Variants in QTMAN observed in about 807,000 individuals in gnomAD.
QTMAN encodes queuosine-tRNA mannosyltransferase, also known as tRNA-queuosine alpha-mannosyltransferase.
chr2:144,005,853 G>A, the QTMAN span: 2 of 151,984 alleles, frequency 1.3e-5, no homozygotes, highest in Non-Finnish European at 2.9e-5. Context: ...TTGCTGTTTT[G>A]TAAAAGCAGA....
At chr2:144,025,883 G>A in the QTMAN span, among the ~76,000 whole-genome samples, 29 of 152,328 alleles carry the variant, frequency 1.9e-4, no homozygotes, top group African/African-American at 6.3e-4. Flanking sequence ...AGATGTATAA[G>A]TAACCGGTCT....
chr2:144,124,398 G>A, the QTMAN span, among the ~76,000 whole-genome samples: 50 of 152,162 alleles, frequency 3.3e-4, no homozygotes, highest in Non-Finnish European at 4.4e-4. Context: ...TAGGTCATAC[G>A]AATTAAATAA....
the QTMAN span, among the ~76,000 whole-genome samples, chr2:144,098,714 CAA>C: frequency 9.7e-5 from 12 of 123,942 alleles, no homozygotes; most frequent in Admixed American, 1.7e-4. Context: ...GACTCTGTCT[CAA>C]AAAAAAAAAA....
the QTMAN span, among the ~76,000 whole-genome samples, chr2:144,011,054 C>A: frequency 1.3e-5 from 2 of 152,098 alleles, no homozygotes; most frequent in Non-Finnish European, 2.9e-5. Context: ...AAGGTAGTTA[C>A]AAGCTACGGT....
At chr2:143,986,605 T>A in the QTMAN span, among the ~76,000 whole-genome samples, 1 of 152,316 alleles carries the variant, frequency 6.6e-6, no homozygotes, top group South Asian at 2.1e-4. Context: ...GGTACTTAGT[T>A]CAAAGCAGGT....
At chr2:144,133,486 A>AT in the QTMAN span, among the ~76,000 whole-genome samples, 1 of 82,456 alleles carries the variant, frequency 1.2e-5, no homozygotes, top group Non-Finnish European at 2.1e-5. Flanking sequence ...TAATATATAA[A>AT]ATATATATTA....
chr2:143,969,989 C>T, the QTMAN span, among the ~76,000 whole-genome samples: 1 of 152,036 alleles, frequency 6.6e-6, no homozygotes, highest in African/African-American at 2.4e-5. Flanking sequence ...TGCTGAACAC[C>T]CAAAGCTTAA....
At chr2:144,077,976 A>G in the QTMAN span, among the ~76,000 whole-genome samples, 1 of 150,878 alleles carries the variant, frequency 6.6e-6, no homozygotes, top group Non-Finnish European at 1.5e-5. Context: ...TTAAAGTCAA[A>G]GATAGCATAT....
At chr2:144,155,945 A>G in the QTMAN span, among the ~76,000 whole-genome samples, 1 of 152,174 alleles carries the variant, frequency 6.6e-6, no homozygotes, top group African/African-American at 2.4e-5. Context: ...CAAATAAGCT[A>G]ACCAGGAAAA....
At chr2:144,142,652 T>C in the QTMAN span, among the ~76,000 whole-genome samples, 1 of 151,992 alleles carries the variant, frequency 6.6e-6, no homozygotes, top group Non-Finnish European at 1.5e-5. Flanking sequence ...GATTATGGTA[T>C]CCCAAAATAA....
chr2:144,111,769 G>C, the QTMAN span, among the ~76,000 whole-genome samples: 1 of 152,248 alleles, frequency 6.6e-6, no homozygotes, highest in East Asian at 1.9e-4. Context: ...TTGGATCCCT[G>C]CTATATAATA....
At chr2:143,952,646 T>C in the QTMAN span, 1 of 728,480 alleles carries the variant, frequency 1.4e-6, no homozygotes, top group Non-Finnish European at 2.4e-6. Flanking sequence ...AAAATTTTCC[T>C]TAACACTAAC....
chr2:144,019,512 G>A, the QTMAN span, among the ~76,000 whole-genome samples: 2 of 149,790 alleles, frequency 1.3e-5, no homozygotes, highest in African/African-American at 2.5e-5. Flanking sequence ...AGAAGGTTGC[G>A]TGTTCCACAG....
the QTMAN span, among the ~76,000 whole-genome samples, chr2:144,091,969 T>C: frequency 2.6e-5 from 4 of 152,096 alleles, no homozygotes; most frequent in South Asian, 4.1e-4. Flanking sequence ...TGAAGTTATA[T>C]ATAAAAAAAA....
the QTMAN span, among the ~76,000 whole-genome samples, chr2:144,090,567 G>A: frequency 5.9e-5 from 9 of 151,806 alleles, no homozygotes; most frequent in Admixed American, 1.3e-4. Flanking sequence ...TTCCCTGTCC[G>A]GGCAAGGAAC....
chr2:143,971,100 A>G, the QTMAN span, among the ~76,000 whole-genome samples: 7 of 151,510 alleles, frequency 4.6e-5, no homozygotes, highest in Non-Finnish European at 1.0e-4. Flanking sequence ...CTACTTAACA[A>G]AGGTTAAAAA....
the QTMAN span, among the ~76,000 whole-genome samples, chr2:144,332,148 G>C: frequency 6.7e-6 from 1 of 148,440 alleles, no homozygotes; most frequent in Non-Finnish European, 1.5e-5. Context: ...ATTCGAACAC[G>C]ACCAGTTTGC....
At chr2:144,256,739 A>G in the QTMAN span, among the ~76,000 whole-genome samples, 1 of 152,094 alleles carries the variant, frequency 6.6e-6, no homozygotes, top group Non-Finnish European at 1.5e-5. Flanking sequence ...AGGGAAAGGC[A>G]TTAGGAAAAA....
chr2:144,040,884 A>T, the QTMAN span, among the ~76,000 whole-genome samples: 1 of 152,176 alleles, frequency 6.6e-6, no homozygotes, highest in African/African-American at 2.4e-5. Flanking sequence ...ATTTATTATC[A>T]TTATTTTTTC....
Sources: gnomAD v4.1 joint callset for allele counts (sites outside exome capture counted in the v4.1 genomes callset) on GRCh38, gnomAD v4.1.1 for gene constraint, MANE v1.5 for transcripts, NCBI Gene and HGNC (gene_info 2026-07-23, HGNC 2026-07-21) for gene names.